CENPF: variants seen among roughly 807,000 people sequenced by gnomAD.
CENPF encodes the protein centromere protein F.
Under a neutral mutation model 307.3 loss-of-function variants are expected in CENPF, and 214 were observed. That is an observed-to-expected ratio of 0.70 (90% CI 0.62 to 0.78). The LOEUF is 0.78. Among genes scored for constraint, CENPF ranks in the 30% least tolerant of loss-of-function variants. The pLI is 0.00. For missense variants in CENPF, 3,401 were observed against 3,483.9 expected, an observed-to-expected ratio of 0.98 and a Z score of 0.60; for synonymous variants, 1,259 against 1,270.6, an observed-to-expected ratio of 0.99 and a Z score of 0.19.
rs762600083 is a variant in CENPF, at chr1:214,641,827, A to C, written c.3489A>C (p.Lys1163Asn). The C allele has an allele frequency of 2.5e-6, 4 of 1,609,150 alleles. No homozygotes were observed. The highest frequency in any genetic ancestry group is 3.4e-6 in the Non-Finnish European group (4 of 1,178,922). The change falls in exon 12 of 20, where the codon AAA (lysine) becomes AAC (asparagine). Residue 1163 changes from lysine (K) to asparagine (N), a missense_variant. Coordinates refer to ENST00000366955, the MANE Select transcript of CENPF (RefSeq NM_016343.4). ...AGCTGATGAAGGTAATGAAGACTAA[A>C]CATGAATGTCAAAATCTAGAATCAG... ...NEQLMKVMKT[K>N]HECQNLESEP...
rs1323285468 is a variant in CENPF at position 214,646,061 on chromosome 1, A to T, written c.6491A>T (p.Gln2164Leu). 2.5e-6 allele frequency: 4 copies of T among 1,614,104 alleles called. No individual in the cohort carries two copies. The East Asian group carries it at 8.9e-5, about 36-fold the overall frequency. Residue 2164 changes from glutamine (Q) to leucine (L), a missense_variant, in exon 13 of 20, where the codon CAG (glutamine) becomes CTG (leucine). Physicochemically the swap from Gln to Leu is moderately radical, Grantham distance 113 (BLOSUM62 -2). Transcript: ENST00000366955. ...GTTGAGAACCTTGAAAGGGAATTGCAGATGTCAGAAGAAAACCAGGAGCTA... is the reference window on the plus strand; with the variant it reads ...GTTGAGAACCTTGAAAGGGAATTGCTGATGTCAGAAGAAAACCAGGAGCTA... The part of the protein sequence containing the change: ...DKVENLEREL[Q>L]MSEENQELVI...
chr1:214,623,382 C>G (rs1657569186), intron 7 of CENPF, among the ~76,000 whole-genome samples: 1 of 152,036 alleles, frequency 6.6e-6, no homozygotes, highest in Non-Finnish European at 1.5e-5. Context: ...AGGTTATGTG[C>G]AAACACTATA....
At chr1:214,627,672 G>C (rs542889536) in intron 7 of CENPF, among the ~76,000 whole-genome samples, 1 of 151,850 alleles carries the variant, frequency 6.6e-6, no homozygotes, top group East Asian at 1.9e-4. Context: ...CACTGCACCC[G>C]GCCCCTCCAG....
chr1:214,643,486 G>C (rs556632704), intron 12 of CENPF, among the ~76,000 whole-genome samples, 162 bp downstream of exon 12: 2 of 152,270 alleles, frequency 1.3e-5, no homozygotes, highest in South Asian at 4.1e-4. Context: ...ACCAGAACTT[G>C]AGGAAAATGA....
chr1:214,659,171 G>A lies in CENPF; in HGVS notation c.9141+143G>A. 2 of 738,916 alleles carry A rather than the reference G, an allele frequency of 2.7e-6. No individual in the cohort carries two copies. The highest frequency in any genetic ancestry group is 4.4e-6 in the Non-Finnish European group (2 of 457,478). 45.8% of individuals were successfully genotyped at this position (738,916 alleles called of 1,614,324 possible). The stretch of plus-strand genomic sequence containing the variant: ...TTGGTGTGGTGTAAGTCAGTCAGTA[G>A]TGAGCAAGTGACCGGGTGAGCATTA... On this transcript the variant is annotated intron_variant, in intron 19 of 19. Transcript: ENST00000366955. This position sits in a 1 kb window ranked among gnomAD's most constrained non-coding sequence, Gnocchi z 4.4.
Position 214,646,967 on chromosome 1 carries a change from C to T in CENPF, c.7397C>T (p.Ala2466Val), listed in dbSNP as rs1212046092. Residue 2466 changes from alanine (A) to valine (V), a missense_variant, in exon 13 of 20, where the codon GCC becomes GTC. Transcript: ENST00000366955. ...ALHNDQEACK[A>V]KEQNLSSQVE... ...CATAATGACCAAGAAGCCTGTAAGG[C>T]CAAAGAGCAGAATCTTAGTAGTCAA... 2 of 1,613,874 alleles carry T rather than the reference C, an allele frequency of 1.2e-6. No homozygotes were observed. The highest frequency in any genetic ancestry group is 1.7e-6 in the Non-Finnish European group (2 of 1,179,976).
chr1:214,635,378 G>A (rs1330796976), intron 10 of CENPF, among the ~76,000 whole-genome samples: 1 of 152,200 alleles, frequency 6.6e-6, no homozygotes, highest in African/African-American at 2.4e-5. Flanking sequence ...GTTGATCTGG[G>A]TGGAATTGCT....
At chr1:214,661,064 T>C (rs1286098108) in intron 19 of CENPF, among the ~76,000 whole-genome samples, 1 of 152,202 alleles carries the variant, frequency 6.6e-6, no homozygotes, top group South Asian at 2.1e-4. Context: ...TCAGACTTAC[T>C]ATCTAGGAAA....
At chr1:214,621,498 C>T (rs1292554246) in intron 6 of CENPF, among the ~76,000 whole-genome samples, 1 of 152,216 alleles carries the variant, frequency 6.6e-6, no homozygotes, top group African/African-American at 2.4e-5. Context: ...TTGAAAATCA[C>T]TGTCAGTGTT....
At position 214,646,190 on chromosome 1, in the gene CENPF, C is replaced by T. The variant is rs185852220; in HGVS notation, c.6620C>T (p.Thr2207Met). 6.2e-6 allele frequency: 10 copies of T among 1,613,216 alleles called. No homozygotes were observed. Among genetic ancestry groups the T allele is most frequent in the South Asian group, 3.3e-5 (3 of 90,952 alleles). The change falls in exon 13 of 20, where the codon ACG becomes ATG. Residue 2207 changes from threonine (T) to methionine (M), a missense_variant. Thr to Met is a moderately conservative substitution (Grantham distance 81). Coordinates refer to ENST00000366955, the MANE Select transcript of CENPF (RefSeq NM_016343.4). ...AAAGTTTTTGAATTAGACCTTGTCA[C>T]GTTAAGGTCTGAAAAAGAAAATCTG... ...SLKVFELDLV[T>M]LRSEKENLTK... is the part of the protein sequence containing the mutation.
At chr1:214,606,283 C>T (rs192307016) in intron 1 of CENPF, among the ~76,000 whole-genome samples, 3,083 of 151,908 alleles carry the variant, frequency 0.02, 47 homozygotes, top group Middle Eastern at 0.089. Context: ...CCAGCGGCCC[C>T]ACCCCGTTCC....
chr1:214,609,090 G>A (rs1214196789), intron 1 of CENPF, among the ~76,000 whole-genome samples: 7 of 150,818 alleles, frequency 4.6e-5, no homozygotes, highest in Admixed American at 4.6e-4. Flanking sequence ...ACCCCGGCCC[G>A]CGCCCCTGGG....
At chr1:214,663,495 G>A in intron 19 of CENPF, 96 bp from the exon 20 acceptor site, 3 of 1,192,822 alleles carry the variant, frequency 2.5e-6, no homozygotes, top group Non-Finnish European at 3.6e-6. Flanking sequence ...TAGAGAAGAA[G>A]AACTTAATTT....
At chr1:214,660,624 T>G (rs984626062) in intron 19 of CENPF, among the ~76,000 whole-genome samples, 1 of 152,182 alleles carries the variant, frequency 6.6e-6, no homozygotes, top group Non-Finnish European at 1.5e-5. Context: ...TACCATTTTC[T>G]CAGAAGGGTG....
chr1:214,626,216 G>A (rs1657650842), intron 7 of CENPF, among the ~76,000 whole-genome samples: 1 of 152,114 alleles, frequency 6.6e-6, no homozygotes, highest in African/African-American at 2.4e-5. Context: ...ATTCTGTTGG[G>A]TATAGGATTC....
At chr1:214,653,129 C>G (rs1036835162) in intron 16 of CENPF, 140 bp downstream of exon 16, 1 of 781,966 alleles carries the variant, frequency 1.3e-6, no homozygotes, top group African/African-American at 1.7e-5. Flanking sequence ...CATCAGTTCT[C>G]TGCTGAGTTA....
At chr1:214,638,720 T>A (rs1487925075) in intron 11 of CENPF, among the ~76,000 whole-genome samples, 1 of 152,198 alleles carries the variant, frequency 6.6e-6, no homozygotes, top group Non-Finnish European at 1.5e-5. Flanking sequence ...CTCTGGAGGC[T>A]GAGGCAGGAG....
chr1:214,649,058 C>T (rs531005256), intron 14 of CENPF, among the ~76,000 whole-genome samples: 2 of 152,194 alleles, frequency 1.3e-5, no homozygotes, highest in African/African-American at 2.4e-5. Context: ...GTATCTGTCT[C>T]AGAGCCCAAA....
intron 7 of CENPF, 32 bp from the exon 8 acceptor site, chr1:214,629,014 A>G (rs892628828): frequency 6.8e-7 from 1 of 1,480,622 alleles, no homozygotes; most frequent in African/African-American, 1.4e-5. Flanking sequence ...AGTAATATTT[A>G]TTTTGTCTTG....
Sources: allele counts gnomAD v4.1 joint callset (sites outside exome capture counted in the v4.1 genomes callset), GRCh38; gene constraint gnomAD v4.1.1; non-coding constraint Gnocchi (gnomAD v3.1); transcripts MANE v1.5; gene names NCBI Gene and HGNC (gene_info 2026-07-23, HGNC 2026-07-21).